DOCK3: variants seen among roughly 807,000 people sequenced by gnomAD.
The protein encoded by DOCK3 is dedicator of cytokinesis protein 3.
In DOCK3, 60 loss-of-function variants were observed where a neutral mutation model predicts 265.6. The observed-to-expected ratio is 0.23, with a 90% CI of 0.18 to 0.28. The LOEUF is 0.28. DOCK3 is among the 10% of genes least tolerant of loss of function. The pLI, the probability that DOCK3 is intolerant of heterozygous loss-of-function variation, is 1.00. For missense variants in DOCK3, 1,981 were observed against 2,594.3 expected (o/e 0.76, Z 5.14); for synonymous variants, 881 against 938.0 (o/e 0.94, Z 1.11).
chr3:51,094,074 T>C (rs529731116), intron 9 of DOCK3, among the ~76,000 whole-genome samples: 33 of 152,338 alleles, frequency 2.2e-4, no homozygotes, highest in Non-Finnish European at 4.3e-4. Context: ...GTTTTGCCAG[T>C]ATTTTATTGA....
intron 49 of DOCK3, among the ~76,000 whole-genome samples, chr3:51,365,099 T>C (rs2087041446): frequency 1.3e-5 from 2 of 152,258 alleles, no homozygotes; most frequent in Admixed American, 1.3e-4. Context: ...CGATACTGAT[T>C]CTTCCTATCC....
intron 2 of DOCK3, among the ~76,000 whole-genome samples, chr3:50,796,253 G>T (rs2042771588): frequency 6.6e-6 from 1 of 151,532 alleles, no homozygotes; most frequent in Non-Finnish European, 1.5e-5. Context: ...CCATGGTCTG[G>T]ATCTCCTGAC....
intron 27 of DOCK3, among the ~76,000 whole-genome samples, chr3:51,295,123 T>C (rs182177792): frequency 5.3e-5 from 8 of 152,332 alleles, no homozygotes; most frequent in Non-Finnish European, 1.5e-5. Flanking sequence ...CTTAGTCCAT[T>C]TTGTGTTTCT....
intron 51 of DOCK3, among the ~76,000 whole-genome samples, chr3:51,378,337 TCA>T (rs2088310877): frequency 6.6e-6 from 1 of 152,218 alleles, no homozygotes. Context: ...ATGATGGATG[TCA>T]CAGTCTTATC....
In DOCK3 at chr3:51,361,765, A is replaced by G; in HGVS notation, c.5007-94A>G. The G allele has an allele frequency of 6.7e-7, 1 of 1,489,690 alleles. No individual in the cohort carries two copies. The highest frequency in any genetic ancestry group is 9.0e-7 in the Non-Finnish European group (1 of 1,109,610). 92.3% of individuals were successfully genotyped at this position (1,489,690 alleles called of 1,614,324 possible). ...AACCCTCCAAACCGGTGGTAGCTGA[A>G]ACCAGGGATGACTATTCCACACATT... On this transcript the variant is annotated intron_variant, in intron 47 of 52. Transcript: ENST00000266037. The surrounding 1 kb of genome is among the most constrained non-coding windows in gnomAD (Gnocchi z 4.2).
intron 2 of DOCK3, among the ~76,000 whole-genome samples, chr3:50,838,935 C>A (rs932160974): frequency 1.3e-5 from 2 of 152,164 alleles, no homozygotes; most frequent in African/African-American, 4.8e-5. Flanking sequence ...GGCTGAAGTT[C>A]ACTGAGCAGA....
At chr3:50,754,242 A>G (rs143075182) in intron 1 of DOCK3, among the ~76,000 whole-genome samples, 100 of 151,076 alleles carry the variant, frequency 6.6e-4, no homozygotes, top group African/African-American at 2.3e-3. Flanking sequence ...GGAGCTAAGC[A>G]CTGAACACAC....
At chr3:51,095,421 C>T (rs2082803577) in intron 9 of DOCK3, among the ~76,000 whole-genome samples, 1 of 152,002 alleles carries the variant, frequency 6.6e-6, no homozygotes, top group Non-Finnish European at 1.5e-5. Flanking sequence ...GCTTATGAAG[C>T]TTAGTGTGGC....
chr3:51,167,184 G>A (rs2086447356), intron 12 of DOCK3, among the ~76,000 whole-genome samples: 1 of 152,118 alleles, frequency 6.6e-6, no homozygotes, highest in Non-Finnish European at 1.5e-5. Context: ...TGGATGTACA[G>A]TTTTCCCAGC....
chr3:51,177,147 C>A (rs1219742737), intron 12 of DOCK3, among the ~76,000 whole-genome samples: 1 of 152,144 alleles, frequency 6.6e-6, no homozygotes, highest in Non-Finnish European at 1.5e-5. Flanking sequence ...AAGCAGGTGA[C>A]TCAGCAAGTT....
intron 22 of DOCK3, among the ~76,000 whole-genome samples, chr3:51,252,340 T>C (rs1404740033): frequency 6.6e-6 from 1 of 152,260 alleles, no homozygotes; most frequent in Non-Finnish European, 1.5e-5. Flanking sequence ...GTCTTGGCAA[T>C]GCAGGCTCTT....
rs1352634880 is a variant in DOCK3, at chr3:51,312,850, G to A, written c.3201G>A (p.Gly1067=). The change falls in exon 31 of 53, where the codon GGG becomes GGA. Residue 1067 remains glycine, a synonymous_variant. Transcript: ENST00000266037. ...CCTGTGTTACTATTCTTAGGTATGG[G>A]GACATGCGTGTAATGATGGCCTATG... ...AKRKKILDKY[G]DMRVMMAYEL... 6.2e-7 allele frequency: 1 copy of A among 1,610,310 alleles called. No homozygotes were observed. Among genetic ancestry groups the A allele is most frequent in the Middle Eastern group, 1.7e-4 (1 of 6,060 alleles).
intron 2 of DOCK3, among the ~76,000 whole-genome samples, chr3:50,786,382 T>G (rs2042186426): frequency 6.6e-6 from 1 of 152,218 alleles, no homozygotes; most frequent in South Asian, 2.1e-4. Flanking sequence ...AGTCCCTCTG[T>G]GAGCTCAAGG....
At chr3:51,024,328 A>G (rs1332943981) in intron 5 of DOCK3, among the ~76,000 whole-genome samples, 1 of 152,098 alleles carries the variant, frequency 6.6e-6, no homozygotes, top group Non-Finnish European at 1.5e-5. Flanking sequence ...TTTTTTCCCC[A>G]GTATTTTATT....
chr3:50,886,389 T>C (rs969284605), intron 3 of DOCK3, among the ~76,000 whole-genome samples: 3 of 151,914 alleles, frequency 2.0e-5, no homozygotes, highest in Non-Finnish European at 4.4e-5. Flanking sequence ...GCAGTTGCTT[T>C]TTAAATCCTT....
intron 3 of DOCK3, among the ~76,000 whole-genome samples, chr3:50,862,102 C>T (rs2046944130): frequency 6.6e-6 from 1 of 152,024 alleles, no homozygotes; most frequent in East Asian, 1.9e-4. Flanking sequence ...GCATTTCTTG[C>T]GAGATTGATT....
rs373248122 is a variant in DOCK3, at chr3:51,205,844, C to T, written c.1038-2930C>T. The stretch of plus-strand genomic sequence containing the variant: ...CCTTTGTAACAATAACTTGGCAGTT[C>T]TGCAAAGCTAAATGTTTTTTATAGC... On this transcript the variant is annotated intron_variant, in intron 12 of 52. Transcript: ENST00000266037. 3.6e-4 allele frequency among the ~76,000 whole-genome samples: 55 copies of T among 152,308 alleles called. 1 individual carries two copies. In the South Asian group the frequency reaches 0.01, roughly 28 times the overall value.
chr3:51,294,913 G>A (rs1047938115), intron 27 of DOCK3, among the ~76,000 whole-genome samples: 1 of 152,228 alleles, frequency 6.6e-6, no homozygotes, highest in South Asian at 2.1e-4. Flanking sequence ...ACAAAAAAAT[G>A]ATAAATATCT....
intron 35 of DOCK3, among the ~76,000 whole-genome samples, chr3:51,333,743 A>G (rs201649461): frequency 6.6e-6 from 1 of 152,270 alleles, no homozygotes; most frequent in East Asian, 1.9e-4. Flanking sequence ...TTTATCTAAA[A>G]TCTATGTATT....
Sources: allele counts gnomAD v4.1 joint callset (sites outside exome capture counted in the v4.1 genomes callset), GRCh38; gene constraint gnomAD v4.1.1; non-coding constraint Gnocchi (gnomAD v3.1); transcripts MANE v1.5; gene names NCBI Gene and HGNC (gene_info 2026-07-23, HGNC 2026-07-21).